Variants in THSD4 observed in about 807,000 individuals in gnomAD.
THSD4 encodes the protein thrombospondin type-1 domain-containing protein 4.
Under a neutral mutation model 119.0 loss-of-function variants are expected in THSD4, and 69 were observed. The ratio of observed to expected loss-of-function variants is 0.58; its 90% CI spans 0.48 to 0.71. The LOEUF (loss-of-function observed/expected upper bound fraction) is 0.71. THSD4 is among the 30% of genes least tolerant of loss of function. The pLI is 0.00. For synonymous variants in THSD4, 524 were observed against 540.4 expected (o/e 0.97, Z 0.42); for missense variants, 1,393 against 1,391.1 (o/e 1.00, Z -0.02).
intron 6 of THSD4, among the ~76,000 whole-genome samples, chr15:71,403,444 G>T (rs1293187076): frequency 6.6e-6 from 1 of 152,120 alleles, no homozygotes; most frequent in Non-Finnish European, 1.5e-5. Context: ...TTTCTATTCA[G>T]GGTGCTTGTA....
At chr15:71,545,536 T>A (rs1168646894) in intron 7 of THSD4, among the ~76,000 whole-genome samples, 1 of 152,238 alleles carries the variant, frequency 6.6e-6, no homozygotes, top group African/African-American at 2.4e-5. Flanking sequence ...ATTTACCATC[T>A]GGCCTTTTAC....
intron 3 of THSD4, among the ~76,000 whole-genome samples, chr15:71,193,990 C>T (rs1020673018): frequency 1.2e-4 from 19 of 152,172 alleles, no homozygotes; most frequent in Non-Finnish European, 2.5e-4. Context: ...GGATTACAGG[C>T]GTGAGCCACC....
intron 16 of THSD4, among the ~76,000 whole-genome samples, chr15:71,765,422 T>C (rs957053461): frequency 6.6e-6 from 1 of 152,216 alleles, no homozygotes; most frequent in Non-Finnish European, 1.5e-5. Flanking sequence ...AAACAGTGAC[T>C]CTCACACTTC....
At chr15:71,296,905 G>A (rs1466981092) in intron 6 of THSD4, among the ~76,000 whole-genome samples, 1 of 152,044 alleles carries the variant, frequency 6.6e-6, no homozygotes, top group Non-Finnish European at 1.5e-5. Flanking sequence ...TAATAACATC[G>A]ACATCATGAA....
intron 6 of THSD4, among the ~76,000 whole-genome samples, chr15:71,389,807 G>GTTTTTTTTTTTT (rs1237701264): frequency 9.9e-4 from 46 of 46,238 alleles, no homozygotes; most frequent in Non-Finnish European, 1.4e-3. Context: ...TATTTTCTGG[G>GTTTTTTTTTTTT]TTGTTTTTTT....
chr15:71,298,173 G>A (rs892428421), intron 6 of THSD4, among the ~76,000 whole-genome samples: 17 of 152,224 alleles, frequency 1.1e-4, no homozygotes, highest in African/African-American at 4.1e-4. Context: ...CTATTCAGTT[G>A]TCCCAGCATG....
intron 12 of THSD4, among the ~76,000 whole-genome samples, chr15:71,745,757 G>C (rs2053324525): frequency 1.3e-5 from 2 of 152,178 alleles, no homozygotes; most frequent in African/African-American, 2.4e-5. Flanking sequence ...CAATTCTCCT[G>C]CATCAGCCTC....
rs1287804794 is a variant in THSD4 at position 71,757,966 on chromosome 15, G to A, written c.2480G>A (p.Ser827Asn). 6.2e-7 allele frequency: 1 copy of A among 1,614,108 alleles called. No individual in the cohort carries two copies. Among genetic ancestry groups the A allele is most frequent in the East Asian group, 2.2e-5 (1 of 44,884 alleles). Residue 827 changes from serine to asparagine, a missense_variant, in exon 15 of 18, where the codon AGC becomes AAC. By Grantham distance (46) the Ser-to-Asn change is conservative. Coordinates refer to ENST00000261862, the MANE Select transcript of THSD4 (RefSeq NM_024817.3). ...GTGGTGTGCATGACCAACCATGTCAGCAGCCTGCCCCTGGAGGGCTGTGGG... is the reference window on the plus strand; with the variant it reads ...GTGGTGTGCATGACCAACCATGTCAACAGCCTGCCCCTGGAGGGCTGTGGG... ...RSVVCMTNHV[S>N]SLPLEGCGNN...
At chr15:71,546,552 G>A (rs1483219880) in intron 7 of THSD4, among the ~76,000 whole-genome samples, 3 of 152,160 alleles carry the variant, frequency 2.0e-5, no homozygotes, top group African/African-American at 7.2e-5. Context: ...AGTGTACTCT[G>A]ACAGCACTGT....
intron 6 of THSD4, among the ~76,000 whole-genome samples, chr15:71,288,520 AC>A (rs1423955690): frequency 6.6e-6 from 1 of 152,068 alleles, no homozygotes; most frequent in Non-Finnish European, 1.5e-5. Context: ...CAAAATAAAT[AC>A]CCTGACTTAT....
At chr15:71,710,012 C>T (rs2052476727) in intron 8 of THSD4, among the ~76,000 whole-genome samples, 1 of 152,200 alleles carries the variant, frequency 6.6e-6, no homozygotes, top group South Asian at 2.1e-4. Context: ...TGCTCAGATC[C>T]AGGCTGGATG....
intron 7 of THSD4, among the ~76,000 whole-genome samples, chr15:71,436,985 C>T (rs1359363633): frequency 6.6e-6 from 1 of 152,154 alleles, no homozygotes; most frequent in East Asian, 1.9e-4. Flanking sequence ...ATAAAGAAGA[C>T]ACCTGAGGCT....
At position 71,200,048 on chromosome 15, in the gene THSD4, G is replaced by A. The variant is rs868385189; in HGVS notation, c.100-14987G>A. On this transcript the variant is annotated intron_variant, in intron 3 of 17. Coordinates refer to ENST00000261862, the MANE Select transcript of THSD4 (RefSeq NM_024817.3). ...CATAGGTATTTCAGAGGCCTCTGTA[G>A]CCATCCCTAGGCTTCTCCTTCAGTC... is the stretch of plus-strand genomic sequence containing the variant. 1.2e-3 allele frequency among the ~76,000 whole-genome samples: 186 copies of A among 152,128 alleles called. 5 individuals are homozygous for A. The highest frequency in any genetic ancestry group is 6.8e-3 in the Middle Eastern group (2 of 294).
rs140458000 is a variant in THSD4, at chr15:71,610,378, G to A, written c.1153-50152G>A. 3.4e-3 allele frequency among the ~76,000 whole-genome samples: 525 copies of A among 152,202 alleles called. 4 individuals carry two copies. The highest frequency in any genetic ancestry group is 0.012 in the African/African-American group (513 of 41,520). ...GATGTCACATTTCATAGATATATGT[G>A]AACCACAGAGACCCACCTTCATCCA... On this transcript the variant is annotated intron_variant, in intron 7 of 17. Transcript: ENST00000261862.
chr15:71,505,284 C>G (rs1397820228), intron 7 of THSD4, among the ~76,000 whole-genome samples: 2 of 152,208 alleles, frequency 1.3e-5, no homozygotes, highest in Non-Finnish European at 2.9e-5. Context: ...ATACCTTTTC[C>G]CACAATTATT....
intron 3 of THSD4, among the ~76,000 whole-genome samples, chr15:71,171,572 G>A (rs1276191615): frequency 6.6e-6 from 1 of 152,126 alleles, no homozygotes; most frequent in Non-Finnish European, 1.5e-5. Context: ...CTTCTCAAAG[G>A]AATGACTGCA....
chr15:71,366,206 T>A (rs1056024390), intron 6 of THSD4, among the ~76,000 whole-genome samples: 1 of 152,174 alleles, frequency 6.6e-6, no homozygotes, highest in South Asian at 2.1e-4. Context: ...CCCCAGCAGC[T>A]GGGACTACAG....
intron 16 of THSD4, among the ~76,000 whole-genome samples, chr15:71,768,560 A>ATTT (rs964263863): frequency 0.038 from 3,747 of 99,178 alleles, 206 homozygotes; most frequent in African/African-American, 0.059. Flanking sequence ...GCAGATCCTG[A>ATTT]TTTTTTTTTT....
intron 7 of THSD4, among the ~76,000 whole-genome samples, chr15:71,549,058 T>C (rs1034045608): frequency 1.3e-5 from 2 of 152,202 alleles, no homozygotes; most frequent in Non-Finnish European, 2.9e-5. Flanking sequence ...GAGTGGCAAA[T>C]GGCTCTGCTT....
Sources: gnomAD v4.1 joint callset for allele counts (sites outside exome capture counted in the v4.1 genomes callset) on GRCh38, gnomAD v4.1.1 for gene constraint, MANE v1.5 for transcripts, NCBI Gene and HGNC (gene_info 2026-07-23, HGNC 2026-07-21) for gene names.